The following CFAP47 variants were observed in gnomAD, a reference collection of about 807,000 sequenced individuals.
CFAP47 encodes cilia- and flagella-associated protein 47.
Under a neutral mutation model 148.1 loss-of-function variants are expected in CFAP47, and 29 were observed. That is an observed-to-expected ratio of 0.20 (90% CI 0.15 to 0.27). The LOEUF (loss-of-function observed/expected upper bound fraction) is 0.27. CFAP47 is among the 10% of genes least tolerant of loss of function. The pLI, the probability that CFAP47 is intolerant of heterozygous loss-of-function variation, is 1.00. For synonymous variants in CFAP47, 664 were observed against 577.3 expected, an observed-to-expected ratio of 1.15 and a Z score of -2.15; for missense variants, 1,872 against 1,697.5, an observed-to-expected ratio of 1.10 and a Z score of -1.81.
At chrX:36,164,141 A>G (rs1157089870) in intron 39 of CFAP47, among the ~76,000 whole-genome samples, 2 of 111,497 alleles carry the variant, frequency 1.8e-5, no homozygotes, top group Non-Finnish European at 3.8e-5. Context: ...AGAAGAATCT[A>G]TATTTTGCTG....
intron 33 of CFAP47, among the ~76,000 whole-genome samples, chrX:36,112,567 T>C (rs752988664): frequency 8.9e-6 from 1 of 111,768 alleles, no homozygotes; most frequent in South Asian, 3.7e-4. Context: ...ATTAGAAGAA[T>C]GTATACCCTG....
At chrX:36,052,545 A>G (rs1339083320) in intron 26 of CFAP47, among the ~76,000 whole-genome samples, 1 of 112,153 alleles carries the variant, frequency 8.9e-6, no homozygotes, top group East Asian at 2.8e-4. Flanking sequence ...TTGCAAATGT[A>G]CTTAACATTT....
At position 36,141,646 on chromosome X, in the gene CFAP47, G is replaced by T. The variant is rs192907779; in HGVS notation, c.5535+3182G>T. Among the ~76,000 whole-genome samples, 376 of 111,941 alleles carry T rather than the reference G, an allele frequency of 3.4e-3. 4 individuals are homozygous for T. Among genetic ancestry groups the T allele is most frequent in the African/African-American group, 0.012 (369 of 30,834 alleles). On this transcript the variant is annotated intron_variant, in intron 35 of 63. Coordinates refer to ENST00000378653, the MANE Select transcript of CFAP47 (RefSeq NM_001304548.2). ...TCACTAGGAAATTTTCAGCTTTAAA[G>T]AACAGAATTCTTGAGTAAAAGTGGT... is the stretch of plus-strand genomic sequence containing the variant.
chrX:35,953,774 A>C (rs893856307), intron 7 of CFAP47, 55 bp downstream of exon 7: 123 of 938,379 alleles, frequency 1.3e-4, no homozygotes, highest in Non-Finnish European at 1.6e-4. Flanking sequence ...ATTGTTTAAA[A>C]ATTTGAACAT....
intron 54 of CFAP47, among the ~76,000 whole-genome samples, chrX:36,305,113 G>T (rs1293812443): frequency 8.9e-6 from 1 of 111,828 alleles, no homozygotes; most frequent in Non-Finnish European, 1.9e-5. Flanking sequence ...TCAGTTACTG[G>T]TTGCCAACTT....
At chrX:36,053,698 G>T (rs1220863543) in intron 26 of CFAP47, among the ~76,000 whole-genome samples, 1 of 112,105 alleles carries the variant, frequency 8.9e-6, no homozygotes, top group Non-Finnish European at 1.9e-5. Context: ...ATACAAGGTA[G>T]AATGTTTCAT....
intron 39 of CFAP47, among the ~76,000 whole-genome samples, chrX:36,168,873 G>A (rs1344956484): frequency 1.8e-5 from 2 of 112,100 alleles, no homozygotes; most frequent in African/African-American, 3.2e-5. Context: ...TTAATTTCTT[G>A]TGTCCTTTTA....
At chrX:36,014,476 A>T (rs960887476) in intron 21 of CFAP47, among the ~76,000 whole-genome samples, 1 of 111,392 alleles carries the variant, frequency 9.0e-6, no homozygotes, top group African/African-American at 3.2e-5. Context: ...CCCAAGGATT[A>T]CAAGGATTTT....
intron 60 of CFAP47, among the ~76,000 whole-genome samples, chrX:36,357,627 A>G (rs1602124501): frequency 8.9e-6 from 1 of 111,859 alleles, no homozygotes; most frequent in Non-Finnish European, 1.9e-5. Context: ...ATCAATTGGT[A>G]TTGTCCTATT....
intron 33 of CFAP47, among the ~76,000 whole-genome samples, chrX:36,105,347 G>C: frequency 8.9e-6 from 1 of 111,734 alleles, no homozygotes; most frequent in Middle Eastern, 4.7e-3. Flanking sequence ...TGTTCCTTTA[G>C]CTTCAATTCA....
intron 13 of CFAP47, among the ~76,000 whole-genome samples, chrX:35,974,254 G>A (rs1430662755): frequency 3.6e-5 from 4 of 112,094 alleles, no homozygotes; most frequent in Non-Finnish European, 7.5e-5. Flanking sequence ...TGGGCTGACT[G>A]TGAGTTAGGA....
chrX:36,076,089 T>C (rs1269582891), intron 29 of CFAP47, among the ~76,000 whole-genome samples: 1 of 111,746 alleles, frequency 8.9e-6, no homozygotes, highest in African/African-American at 3.2e-5. Flanking sequence ...TTTTAAGTTC[T>C]TTGAGAAATC....
chrX:36,226,965 C>A (rs1312660327), intron 45 of CFAP47, among the ~76,000 whole-genome samples: 1 of 110,982 alleles, frequency 9.0e-6, no homozygotes, highest in Non-Finnish European at 1.9e-5. Flanking sequence ...TAATAGAATT[C>A]TATTTAAATT....
chrX:36,205,678 T>A (rs781895417), intron 45 of CFAP47, among the ~76,000 whole-genome samples: 112 of 111,941 alleles, frequency 1.0e-3, no homozygotes, highest in Middle Eastern at 8.4e-3. Flanking sequence ...AATATTGATA[T>A]ACTAGCATTA....
chrX:35,992,449 G>GT (rs1936800661), intron 17 of CFAP47, among the ~76,000 whole-genome samples: 1 of 110,228 alleles, frequency 9.1e-6, no homozygotes, highest in South Asian at 3.8e-4. Context: ...TAGTAATAGA[G>GT]TTTAGCATTT....
intron 33 of CFAP47, among the ~76,000 whole-genome samples, chrX:36,126,812 C>T (rs1359683723): frequency 8.9e-6 from 1 of 112,280 alleles, no homozygotes; most frequent in Non-Finnish European, 1.9e-5. Flanking sequence ...GATGGTATCT[C>T]ATTGTGGTTT....
At chrX:36,195,148 A>G (rs1430469796) in intron 42 of CFAP47, among the ~76,000 whole-genome samples, 1 of 113,019 alleles carries the variant, frequency 8.8e-6, no homozygotes, top group East Asian at 2.8e-4. Context: ...GCTAATTTCT[A>G]TAAAACAGTT....
At chrX:36,326,304 A>AACACAC (rs56939762) in intron 57 of CFAP47, among the ~76,000 whole-genome samples, 4,181 of 103,497 alleles carry the variant, frequency 0.04, 215 homozygotes, top group African/African-American at 0.14. Flanking sequence ...CCAATTTCCA[A>AACACAC]ACACACACAC....
intron 1 of CFAP47, 58 bp downstream of exon 1, chrX:35,920,106 G>T (rs959306757): frequency 4.5e-6 from 5 of 1,111,811 alleles, no homozygotes; most frequent in Non-Finnish European, 6.0e-6. Context: ...CTCACACTGC[G>T]TCTCTCTTTG....
Sources: allele counts gnomAD v4.1 joint callset (sites outside exome capture counted in the v4.1 genomes callset), GRCh38; gene constraint gnomAD v4.1.1; transcripts MANE v1.5; gene names NCBI Gene and HGNC (gene_info 2026-07-23, HGNC 2026-07-21).